The following PARP1 variants were observed in gnomAD, a reference collection of about 807,000 sequenced individuals.
The protein encoded by PARP1 is poly [ADP-ribose] polymerase 1.
In PARP1, 44 loss-of-function variants were observed where a neutral mutation model predicts 118.7. That is an observed-to-expected ratio of 0.37 (90% CI 0.29 to 0.48). The LOEUF (loss-of-function observed/expected upper bound fraction) is 0.48. Among genes scored for constraint, PARP1 ranks in the 20% least tolerant of loss-of-function variants. The pLI is 0.99. For missense variants in PARP1, 1,100 were observed against 1,272.4 expected, an observed-to-expected ratio of 0.86 and a Z score of 2.06; for synonymous variants, 492 against 483.2, an observed-to-expected ratio of 1.02 and a Z score of -0.24.
rs1200409972 is a variant in PARP1 at position 226,408,034 on chromosome 1, G to A, written c.-105C>T. 5.9e-6 allele frequency: 9 copies of A among 1,538,218 alleles called. No homozygotes were observed. The highest frequency in any genetic ancestry group is 8.0e-6 in the Non-Finnish European group (9 of 1,129,508). Reference sequence around the variant, plus strand: ...CGCTCACCCAGCCGCAGGCGCCTGAGCGGCCAGAGCCGCCACCGAACACGC... The same window carrying A: ...CGCTCACCCAGCCGCAGGCGCCTGAACGGCCAGAGCCGCCACCGAACACGC... On this transcript the variant is annotated 5_prime_UTR_variant, in exon 1 of 23. Coordinates refer to ENST00000366794, the MANE Select transcript of PARP1 (RefSeq NM_001618.4).
At chr1:226,391,752 C>G (rs1664823571) in intron 3 of PARP1, among the ~76,000 whole-genome samples, 2 of 152,214 alleles carry the variant, frequency 1.3e-5, no homozygotes, top group African/African-American at 4.8e-5. Context: ...TCCCTTCTAC[C>G]TGTGTGTCCA....
chr1:226,406,515 C>T (rs1395109686), intron 1 of PARP1, among the ~76,000 whole-genome samples: 1 of 152,198 alleles, frequency 6.6e-6, no homozygotes, highest in Non-Finnish European at 1.5e-5. Context: ...AAGCTTCCAC[C>T]CTTAGCTGGG....
At chr1:226,375,080 G>A (rs917844001) in intron 13 of PARP1, among the ~76,000 whole-genome samples, 7 of 152,310 alleles carry the variant, frequency 4.6e-5, no homozygotes, top group South Asian at 2.1e-4. Context: ...CAACTAAAAC[G>A]GAATTTGGTA....
At chr1:226,390,717 G>T in intron 3 of PARP1, 93 bp from the exon 4 acceptor site, 1 of 1,215,794 alleles carries the variant, frequency 8.2e-7, no homozygotes. Flanking sequence ...GTGAGGAGCT[G>T]AGGGTCCAAG....
intron 5 of PARP1, among the ~76,000 whole-genome samples, chr1:226,387,621 G>C (rs317211): frequency 6.6e-6 from 1 of 152,210 alleles, no homozygotes; most frequent in Non-Finnish European, 1.5e-5. Context: ...GGAGACATGA[G>C]AGGATGAGGA....
chr1:226,378,803 C>A (rs1664542823), intron 12 of PARP1, among the ~76,000 whole-genome samples: 2 of 152,176 alleles, frequency 1.3e-5, no homozygotes, highest in Admixed American at 1.3e-4. Flanking sequence ...CCACTGCACT[C>A]CAGCCTGGGT....
intron 4 of PARP1, among the ~76,000 whole-genome samples, chr1:226,389,234 G>A (rs910761014): frequency 3.0e-4 from 45 of 152,216 alleles, no homozygotes; most frequent in African/African-American, 1.1e-3. Context: ...AGGGAAAGAG[G>A]CTGCTCACAG....
Position 226,397,212 on chromosome 1 carries a change from T to C in PARP1, c.287-4898A>G, listed in dbSNP as rs1018004148. On this transcript the variant is annotated intron_variant, in intron 2 of 22. Coordinates refer to ENST00000366794, the MANE Select transcript of PARP1 (RefSeq NM_001618.4). ...GTTGGGCAACTGTAGTCCTAGCTTC[T>C]CCAGAGGCTGACGTGGGAGGATTGC... Among the ~76,000 whole-genome samples the C allele has an allele frequency of 6.6e-5, 10 of 150,992 alleles. 1 individual carries two copies. The highest frequency in any genetic ancestry group is 2.2e-4 in the African/African-American group (9 of 41,182).
rs149789506 is a variant in PARP1, at chr1:226,370,527, C to T, written c.2071-10G>A. 4 of 1,610,368 alleles carry T rather than the reference C, an allele frequency of 2.5e-6. No individual in the cohort carries two copies. Among genetic ancestry groups the T allele is most frequent in the Non-Finnish European group, 3.4e-6 (4 of 1,176,728 alleles). On this transcript the variant is annotated splice_polypyrimidine_tract_variant and intron_variant, in intron 14 of 22. Coordinates refer to ENST00000366794, the MANE Select transcript of PARP1 (RefSeq NM_001618.4). Reference sequence around the variant, plus strand: ...TCTTCTGAAGGTCGATCTGAGGAGACAGGGGATTTCGCTCTGAAAGCTGGG... The same window carrying T: ...TCTTCTGAAGGTCGATCTGAGGAGATAGGGGATTTCGCTCTGAAAGCTGGG...
rs1664259768 is a variant in PARP1, at chr1:226,366,040, C to T, written c.2419G>A (p.Asp807Asn). The change falls in exon 18 of 23, where the codon GAT (aspartate) becomes AAT (asparagine). Residue 807 changes from aspartate (D) to asparagine (N), a missense_variant. Coordinates refer to ENST00000366794, the MANE Select transcript of PARP1 (RefSeq NM_001618.4). Reference sequence around the variant, plus strand: ...CTGATGATCTCGGCTTCTTCAGAATCTCTGTCAACCACCTGGATAAACAGA... The same window carrying T: ...CTGATGATCTCGGCTTCTTCAGAATTTCTGTCAACCACCTGGATAAACAGA... ...LKTDIKVVDR[D>N]SEEAEIIRKY... is the part of the protein sequence containing the mutation. The T allele has an allele frequency of 1.9e-6, 3 of 1,610,922 alleles. No homozygotes were observed. The highest frequency in any genetic ancestry group is 2.5e-6 in the Non-Finnish European group (3 of 1,177,088).
In PARP1 at chr1:226,385,562, C is replaced by A; in HGVS notation, c.953G>T (p.Trp318Leu). ...CTGTGTCTTGACCATACACTTGGTCCAGGCAGTGACGTCCCCAGTGCAGTA... is the reference window on the plus strand; with the variant it reads ...CTGTGTCTTGACCATACACTTGGTCAAGGCAGTGACGTCCCCAGTGCAGTA... ...AYYCTGDVTA[W>L]TKCMVKTQTP... Residue 318 changes from tryptophan (W) to leucine (L), a missense_variant, in exon 7 of 23, where the codon TGG becomes TTG. By Grantham distance (61) the Trp-to-Leu change is moderately conservative (BLOSUM62 -2). Coordinates refer to ENST00000366794, the MANE Select transcript of PARP1 (RefSeq NM_001618.4). 1 of 1,614,110 alleles carries A rather than the reference C, an allele frequency of 6.2e-7. No homozygotes were observed. Among genetic ancestry groups the A allele is most frequent in the Non-Finnish European group, 8.5e-7 (1 of 1,180,016 alleles).
chr1:226,385,522 C>G lies in PARP1; in HGVS notation c.993G>C (p.Lys331Asn), dbSNP rs758573546. ...CCCTTACCTTTGGGGTTACCCACTC[C>G]TTCCGGTTGGGTGTCTGTGTCTTGA... Reference protein sequence around the residue: ...CMVKTQTPNRKEWVTPKEFRE... With the variant: ...CMVKTQTPNRNEWVTPKEFRE... The change falls in exon 7 of 23, where the codon AAG becomes AAC. Residue 331 changes from lysine (K) to asparagine (N), a missense_variant. Coordinates refer to ENST00000366794, the MANE Select transcript of PARP1 (RefSeq NM_001618.4). The G allele has an allele frequency of 6.2e-7, 1 of 1,613,962 alleles. No individual in the cohort carries two copies. Among genetic ancestry groups the G allele is most frequent in the African/African-American group, 1.3e-5 (1 of 74,912 alleles).
At chr1:226,403,178 C>G (rs1395945291) in intron 1 of PARP1, among the ~76,000 whole-genome samples, 4 of 152,196 alleles carry the variant, frequency 2.6e-5, no homozygotes, top group Non-Finnish European at 5.9e-5. Flanking sequence ...GGTTCTGCTC[C>G]CAGGCCTCGA....
chr1:226,382,070 G>A (rs1451575037), intron 8 of PARP1, among the ~76,000 whole-genome samples: 1 of 152,162 alleles, frequency 6.6e-6, no homozygotes, highest in Non-Finnish European at 1.5e-5. Flanking sequence ...GACTCGGGAT[G>A]ACCACCAGCA....
At position 226,389,411 on chromosome 1, in the gene PARP1, T is replaced by C. The variant is rs1033924487; in HGVS notation, c.618-656A>G. The stretch of plus-strand genomic sequence containing the variant: ...TGGTCTGTCAGTCTCAGCTATCACA[T>C]AGACCTGAGCACAAACCCTTGCACT... On this transcript the variant is annotated intron_variant, in intron 4 of 22. Transcript: ENST00000366794. Among the ~76,000 whole-genome samples, 7 of 152,226 alleles carry C rather than the reference T, an allele frequency of 4.6e-5. No individual in the cohort carries two copies. In the East Asian group the frequency reaches 5.8e-4, roughly 13 times the overall value.
In PARP1 at chr1:226,407,902, G is replaced by C; in HGVS notation, c.28C>G (p.Arg10Gly). MAESSDKLY[R>G]VEYAKSGRAS... The stretch of plus-strand genomic sequence containing the variant: ...CGCCCGCTCTTGGCGTACTCGACTC[G>C]ATAGAGCTTATCCGAAGACTCCGCC... Residue 10 changes from arginine (R) to glycine (G), a missense_variant, in exon 1 of 23, where the codon CGA (arginine) becomes GGA (glycine). Arg to Gly is a moderately radical substitution (Grantham distance 125, BLOSUM62 -2). Transcript: ENST00000366794. 6.2e-7 allele frequency: 1 copy of C among 1,612,330 alleles called. No individual in the cohort carries two copies. Among genetic ancestry groups the C allele is most frequent in the Non-Finnish European group, 8.5e-7 (1 of 1,179,092 alleles).
chr1:226,390,271 A>C (rs1664797014), intron 4 of PARP1, 139 bp downstream of exon 4: 1 of 790,868 alleles, frequency 1.3e-6, no homozygotes, highest in Non-Finnish European at 2.2e-6. Flanking sequence ...TGCTGTCACC[A>C]TTCCTCAGTT....
Position 226,374,321 on chromosome 1 carries a change from G to T in PARP1, c.1975C>A (p.Pro659Thr), listed in dbSNP as rs907625395. Residue 659 changes from proline (P) to threonine (T), a missense_variant, in exon 14 of 23, where the codon CCT becomes ACT. Pro to Thr is a conservative substitution (Grantham distance 38). Around this residue, in one of 2 missense-constraint regions of PARP1, gnomAD observed 948 missense variants for 1,031.8 expected, o/e 0.92. Transcript: ENST00000366794. ...TTGGGGAGCTTGGACTTGGTGCCAG[G>T]ATTTACTGTCAGCTTCTTCACTGCC... ...EEAVKKLTVN[P>T]GTKSKLPKPV... 1 of 1,614,172 alleles carries T rather than the reference G, an allele frequency of 6.2e-7. No homozygotes were observed. Among genetic ancestry groups the T allele is most frequent in the Non-Finnish European group, 8.5e-7 (1 of 1,180,010 alleles).
chr1:226,397,125 G>A (rs1664938953), intron 2 of PARP1, among the ~76,000 whole-genome samples: 1 of 145,962 alleles, frequency 6.9e-6, no homozygotes, highest in Admixed American at 6.9e-5. Flanking sequence ...GATCCCTTGG[G>A]CAACACAGTG....
Sources: gnomAD v4.1 joint callset for allele counts (sites outside exome capture counted in the v4.1 genomes callset) on GRCh38, gnomAD v4.1.1 for gene constraint, gnomAD v4.1.1 regional missense constraint, MANE v1.5 for transcripts, NCBI Gene and HGNC (gene_info 2026-07-23, HGNC 2026-07-21) for gene names.